Variants in SORCS2 observed in about 807,000 individuals in gnomAD.
The protein encoded by SORCS2 is sortilin related VPS10 domain containing receptor 2.
Under a neutral mutation model 141.6 loss-of-function variants are expected in SORCS2, and 100 were observed. That is an observed-to-expected ratio of 0.71 (90% CI 0.60 to 0.83). The LOEUF is 0.83. Ranked by LOEUF, SORCS2 falls within the 40% of genes least tolerant of loss-of-function variation. The probability of loss-of-function intolerance (pLI) is 0.00; values close to 1 mark genes in which losing one functional copy is unlikely to be tolerated. For missense variants in SORCS2, 1,646 were observed against 1,560.2 expected, an observed-to-expected ratio of 1.05 and a Z score of -0.93; for synonymous variants, 789 against 676.9, an observed-to-expected ratio of 1.17 and a Z score of -2.57.
chr4:7,703,870 A>G (rs147157904), intron 13 of SORCS2, among the ~76,000 whole-genome samples: 1 of 152,288 alleles, frequency 6.6e-6, no homozygotes, highest in African/African-American at 2.4e-5. Context: ...GCACTACAAT[A>G]CCGGCCCTAC....
intron 1 of SORCS2, among the ~76,000 whole-genome samples, chr4:7,264,215 G>C (rs752063723): frequency 2.0e-5 from 3 of 152,246 alleles, no homozygotes; most frequent in Non-Finnish European, 4.4e-5. Context: ...TCTGGCAGAT[G>C]TCAGTCATCA....
intron 1 of SORCS2, among the ~76,000 whole-genome samples, chr4:7,213,693 G>T (rs1728173103): frequency 6.6e-6 from 1 of 152,200 alleles, no homozygotes; most frequent in African/African-American, 2.4e-5. Flanking sequence ...GGAGGTGAGT[G>T]GGTTGGGCAG....
intron 3 of SORCS2, among the ~76,000 whole-genome samples, chr4:7,632,467 C>G (rs535737823): frequency 1.3e-5 from 2 of 152,344 alleles, no homozygotes; most frequent in East Asian, 3.9e-4. Context: ...AATAATCCTT[C>G]CCTGTCAGCA....
intron 3 of SORCS2, among the ~76,000 whole-genome samples, chr4:7,560,948 TC>T (rs1382570400): frequency 2.0e-5 from 3 of 152,144 alleles, no homozygotes; most frequent in African/African-American, 7.2e-5. Flanking sequence ...AACACTCTTG[TC>T]CATGGCTGCA....
chr4:7,552,618 T>TG (rs1713797028), intron 3 of SORCS2, among the ~76,000 whole-genome samples: 1 of 152,206 alleles, frequency 6.6e-6, no homozygotes, highest in African/African-American at 2.4e-5. Context: ...AGGGATACCC[T>TG]GGCCCCCCAC....
At chr4:7,270,291 G>T (rs1577341699) in intron 1 of SORCS2, among the ~76,000 whole-genome samples, 1 of 152,384 alleles carries the variant, frequency 6.6e-6, no homozygotes, top group East Asian at 1.9e-4. Context: ...TGTGGGTGCA[G>T]CACCCGCCAG....
At chr4:7,522,478 T>G (rs1374748397) in intron 2 of SORCS2, among the ~76,000 whole-genome samples, 2 of 152,200 alleles carry the variant, frequency 1.3e-5, no homozygotes, top group African/African-American at 4.8e-5. Context: ...AGCTCCTGAG[T>G]TGCTGGGTGC....
At chr4:7,611,379 C>A (rs1718394505) in intron 3 of SORCS2, among the ~76,000 whole-genome samples, 1 of 152,150 alleles carries the variant, frequency 6.6e-6, no homozygotes, top group Non-Finnish European at 1.5e-5. Context: ...AGTCATGGGA[C>A]CTACCTGCAC....
chr4:7,390,681 C>T (rs1723802774), intron 1 of SORCS2, among the ~76,000 whole-genome samples: 1 of 152,152 alleles, frequency 6.6e-6, no homozygotes, highest in African/African-American at 2.4e-5. Flanking sequence ...CGTGAACTTC[C>T]CTTGGATGGT....
Position 7,633,900 on chromosome 4 carries a change from A to G in SORCS2, c.649-4428A>G, listed in dbSNP as rs1334335166. Among the ~76,000 whole-genome samples the G allele has an allele frequency of 1.1e-4, 11 of 103,656 alleles. 5 individuals carry two copies. The East Asian group carries it at 7.0e-3, about 66-fold the overall frequency. The allele number at this position is 103,656 out of a possible 152,430, so 68.0% of individuals were successfully genotyped here. A position where few individuals can be genotyped will look rare whatever the true frequency, so the allele number is the denominator to read the frequency against. ...GTGGACACACAGTTGCGTCGTAAGA[A>G]CGTTTGAAAAACTGTATCATGGAAA... On this transcript the variant is annotated intron_variant, in intron 3 of 26. Coordinates refer to ENST00000507866, the MANE Select transcript of SORCS2 (RefSeq NM_020777.3).
intron 2 of SORCS2, among the ~76,000 whole-genome samples, chr4:7,405,739 T>C (rs960302062): frequency 4.6e-5 from 7 of 152,090 alleles, no homozygotes; most frequent in Admixed American, 4.6e-4. Flanking sequence ...TGTTTTTTCA[T>C]GGACTCTTTA....
intron 3 of SORCS2, among the ~76,000 whole-genome samples, chr4:7,593,491 C>T (rs187983773): frequency 1.4e-3 from 214 of 152,298 alleles, no homozygotes; most frequent in Non-Finnish European, 7.6e-4. Flanking sequence ...ATGAGAGACC[C>T]GGATGTCCTG....
rs747279621 is a variant in SORCS2 at position 7,232,351 on chromosome 4, TG to T, written c.480+39228del. Reference sequence around the variant, plus strand: ...GAGCCAGCCCAGTGCCTGTTCCCTGTGGGCTCTGCTCCTGGTGCTGCCAGAC... The same window carrying T: ...GAGCCAGCCCAGTGCCTGTTCCCTGTGGCTCTGCTCCTGGTGCTGCCAGAC... On this transcript the variant is annotated intron_variant, in intron 1 of 26. Transcript: ENST00000507866. 1.3e-4 allele frequency among the ~76,000 whole-genome samples: 20 copies of T among 152,178 alleles called. 1 individual carries two copies. The highest frequency in any genetic ancestry group is 2.4e-4 in the Non-Finnish European group (16 of 68,010).
At chr4:7,276,513 G>T (rs919800142) in intron 1 of SORCS2, among the ~76,000 whole-genome samples, 3 of 152,140 alleles carry the variant, frequency 2.0e-5, no homozygotes, top group African/African-American at 7.2e-5. Context: ...TGTAGAGGAG[G>T]CCCCTGTATC....
chr4:7,193,765 C>G lies in SORCS2; in HGVS notation c.480+639C>G, dbSNP rs1255029304. On this transcript the variant is annotated intron_variant, in intron 1 of 26. Coordinates refer to ENST00000507866, the MANE Select transcript of SORCS2 (RefSeq NM_020777.3). This position sits in a 1 kb window ranked among gnomAD's most constrained non-coding sequence, Gnocchi z 4.8. ...GTACCCCCTTGGGTTCATACCCACA[C>G]TGTGCTGGAGACCTGTGTGGCGCTG... Among the ~76,000 whole-genome samples the G allele has an allele frequency of 2.0e-5, 3 of 152,202 alleles. No individual in the cohort carries two copies. The highest frequency in any genetic ancestry group is 2.0e-4 in the Admixed American group (3 of 15,286).
chr4:7,397,513 C>T (rs1439805466), intron 2 of SORCS2, among the ~76,000 whole-genome samples: 1 of 152,150 alleles, frequency 6.6e-6, no homozygotes, highest in Non-Finnish European at 1.5e-5. Flanking sequence ...ATTCCGTCGT[C>T]ACCACCAGAA....
chr4:7,717,724 C>A (rs1352669360), intron 17 of SORCS2, among the ~76,000 whole-genome samples: 1 of 114,948 alleles, frequency 8.7e-6, no homozygotes, highest in Non-Finnish European at 1.7e-5. Flanking sequence ...GTGGCTGTTA[C>A]TGTTACTGTG....
chr4:7,360,327 C>T (rs3916114), intron 1 of SORCS2, among the ~76,000 whole-genome samples: 26,414 of 151,978 alleles, frequency 0.17, 2,502 homozygotes, highest in Admixed American at 0.27. Context: ...CACAGCAGGA[C>T]GGTGGCAGGG....
intron 14 of SORCS2, among the ~76,000 whole-genome samples, chr4:7,709,997 A>C (rs1006044925): frequency 6.6e-6 from 1 of 152,124 alleles, no homozygotes; most frequent in East Asian, 1.9e-4. Context: ...TAAGACCCAG[A>C]ATTAACTAGA....
Sources: gnomAD v4.1 joint callset for allele counts (sites outside exome capture counted in the v4.1 genomes callset) on GRCh38, gnomAD v4.1.1 for gene constraint, Gnocchi (gnomAD v3.1) non-coding constraint, MANE v1.5 for transcripts, NCBI Gene and HGNC (gene_info 2026-07-23, HGNC 2026-07-21) for gene names.